The following CNTN5 variants were observed in gnomAD, a reference collection of about 807,000 sequenced individuals.
The protein encoded by CNTN5 is contactin 5.
A neutral mutation model predicts 129.1 loss-of-function variants in CNTN5; 77 were observed. The ratio of observed to expected loss-of-function variants is 0.60; its 90% CI spans 0.50 to 0.72. The LOEUF is 0.72. Ranked by LOEUF, CNTN5 falls within the 30% of genes least tolerant of loss-of-function variation. The probability of loss-of-function intolerance (pLI) is 0.00; values close to 1 mark genes in which losing one functional copy is unlikely to be tolerated. For missense variants in CNTN5, 1,478 were observed against 1,328.8 expected (o/e 1.11, Z -1.75); for synonymous variants, 509 against 465.6 (o/e 1.09, Z -1.20).
intron 3 of CNTN5, among the ~76,000 whole-genome samples, chr11:99,663,991 C>T (rs1197708732): frequency 1.3e-5 from 2 of 152,096 alleles, no homozygotes; most frequent in Non-Finnish European, 2.9e-5. Context: ...TTGTGTATAT[C>T]TTAAGGTCAG....
rs534097763 is a variant in CNTN5, at chr11:99,801,704, C to T, written c.56-17840C>T. Reference sequence around the variant, plus strand: ...TTAAGCTGTGAAATTCTTTCTTGTGCTTGGTGCAGTCTATTGATAAATATT... The same window carrying T: ...TTAAGCTGTGAAATTCTTTCTTGTGTTTGGTGCAGTCTATTGATAAATATT... On this transcript the variant is annotated intron_variant, in intron 3 of 24. Coordinates refer to ENST00000524871, the MANE Select transcript of CNTN5 (RefSeq NM_014361.4). Among the ~76,000 whole-genome samples the T allele has an allele frequency of 2.0e-4, 31 of 152,150 alleles. 1 individual carries two copies. In the South Asian group the frequency reaches 4.6e-3, roughly 22 times the overall value.
intron 1 of CNTN5, among the ~76,000 whole-genome samples, chr11:99,314,662 A>C (rs536663252): frequency 2.2e-4 from 33 of 152,142 alleles, no homozygotes; most frequent in African/African-American, 7.7e-4. Flanking sequence ...TCCTATCCCT[A>C]CTACTGCTAT....
At chr11:99,545,570 C>T (rs530455442) in intron 2 of CNTN5, among the ~76,000 whole-genome samples, 2 of 152,236 alleles carry the variant, frequency 1.3e-5, no homozygotes, top group South Asian at 2.1e-4. Flanking sequence ...ATTCATATCA[C>T]GTTATACAAA....
intron 3 of CNTN5, among the ~76,000 whole-genome samples, chr11:99,785,686 C>G (rs117456141): frequency 0.016 from 2,419 of 152,226 alleles, 59 homozygotes; most frequent in South Asian, 0.086. Flanking sequence ...GGTTACAAGA[C>G]TGGTTCAACA....
chr11:99,826,325 T>TG (rs1382024639), intron 4 of CNTN5, among the ~76,000 whole-genome samples: 1 of 152,300 alleles, frequency 6.6e-6, no homozygotes, highest in Admixed American at 6.5e-5. Context: ...TCACTTTCCC[T>TG]GGGAATAGCT....
At chr11:99,389,511 G>A (rs777964819) in intron 2 of CNTN5, among the ~76,000 whole-genome samples, 7 of 152,154 alleles carry the variant, frequency 4.6e-5, no homozygotes, top group Non-Finnish European at 7.3e-5. Flanking sequence ...CAGATAATGC[G>A]TAGTGCTGAT....
At chr11:100,042,131 A>G (rs1354132343) in intron 9 of CNTN5, among the ~76,000 whole-genome samples, 3 of 152,144 alleles carry the variant, frequency 2.0e-5, no homozygotes, top group African/African-American at 7.2e-5. Context: ...GAAGGTTTCC[A>G]GACTTTTTCA....
At chr11:100,210,302 A>G (rs945782447) in intron 15 of CNTN5, among the ~76,000 whole-genome samples, 31 of 150,750 alleles carry the variant, frequency 2.1e-4, no homozygotes, top group Non-Finnish European at 2.7e-4. Flanking sequence ...GTGAGCCAAG[A>G]ACCTGCCACT....
At chr11:99,767,215 AC>A (rs1312479115) in intron 3 of CNTN5, among the ~76,000 whole-genome samples, 4 of 152,086 alleles carry the variant, frequency 2.6e-5, no homozygotes, top group African/African-American at 9.7e-5. Context: ...ACATACATTC[AC>A]TTTACAAAAT....
chr11:99,616,876 C>T (rs937155730), intron 3 of CNTN5, among the ~76,000 whole-genome samples: 2 of 152,122 alleles, frequency 1.3e-5, no homozygotes, highest in Non-Finnish European at 2.9e-5. Context: ...TTTGGGAGGC[C>T]GAGGCGGGTC....
intron 1 of CNTN5, among the ~76,000 whole-genome samples, chr11:99,045,803 G>T (rs868220350): frequency 6.6e-6 from 1 of 152,038 alleles, no homozygotes; most frequent in South Asian, 2.1e-4. Flanking sequence ...AATCTCACTG[G>T]GCAAATAACC....
At chr11:99,234,082 C>A (rs1342401075) in intron 1 of CNTN5, among the ~76,000 whole-genome samples, 1 of 152,114 alleles carries the variant, frequency 6.6e-6, no homozygotes, top group Non-Finnish European at 1.5e-5. Flanking sequence ...AATCCTGACA[C>A]GTAAATTTAA....
intron 9 of CNTN5, among the ~76,000 whole-genome samples, chr11:100,051,416 CAAAAG>C (rs1942947948): frequency 6.6e-6 from 1 of 151,792 alleles, no homozygotes; most frequent in Admixed American, 6.6e-5. Flanking sequence ...GAGGAAATCA[CAAAAG>C]AAAGTAGAAA....
intron 1 of CNTN5, among the ~76,000 whole-genome samples, chr11:99,213,435 T>A (rs1049162191): frequency 1.4e-5 from 2 of 145,208 alleles, no homozygotes; most frequent in Non-Finnish European, 3.0e-5. Context: ...TACACGTGTA[T>A]ATATACACAT....
intron 1 of CNTN5, among the ~76,000 whole-genome samples, chr11:99,210,648 A>G (rs1001350606): frequency 6.6e-6 from 1 of 152,214 alleles, no homozygotes; most frequent in Admixed American, 6.5e-5. Flanking sequence ...GACTAAAAAT[A>G]TAAAAATATT....
chr11:100,351,214 G>A (rs556808427), intron 24 of CNTN5, among the ~76,000 whole-genome samples: 253 of 151,618 alleles, frequency 1.7e-3, no homozygotes, highest in Non-Finnish European at 2.9e-3. Flanking sequence ...CTACATTTCT[G>A]TAGTTTTGAT....
chr11:99,339,655 G>T (rs577144402), intron 2 of CNTN5, among the ~76,000 whole-genome samples: 1 of 152,076 alleles, frequency 6.6e-6, no homozygotes, highest in Non-Finnish European at 1.5e-5. Flanking sequence ...GGTGGCAGGC[G>T]CCTGTAGTCC....
chr11:99,122,392 TTAAAA>T (rs1178296120), intron 1 of CNTN5, among the ~76,000 whole-genome samples: 6 of 152,126 alleles, frequency 3.9e-5, no homozygotes, highest in African/African-American at 1.2e-4. Context: ...CTTAAAAATA[TTAAAA>T]TAGATGAAAA....
chr11:99,239,956 A>AT (rs71463570), intron 1 of CNTN5, among the ~76,000 whole-genome samples: 2 of 146,114 alleles, frequency 1.4e-5, no homozygotes, highest in Non-Finnish European at 3.1e-5. Context: ...AAAAAAAAAA[A>AT]TTTAAAAAGC....
Sources: allele counts gnomAD v4.1 joint callset (sites outside exome capture counted in the v4.1 genomes callset), GRCh38; gene constraint gnomAD v4.1.1; transcripts MANE v1.5; gene names NCBI Gene and HGNC (gene_info 2026-07-23, HGNC 2026-07-21).